Variants in PTPRT observed in about 807,000 individuals in gnomAD.
PTPRT encodes the protein receptor-type tyrosine-protein phosphatase T.
Under a neutral mutation model 176.8 loss-of-function variants are expected in PTPRT, and 56 were observed. The observed-to-expected ratio is 0.32, with a 90% confidence interval of 0.26 to 0.40. The LOEUF (loss-of-function observed/expected upper bound fraction) is 0.40. PTPRT is among the 10% of genes least tolerant of loss of function. PTPRT has a pLI of 1.00. For synonymous variants in PTPRT, 783 were observed against 739.0 expected (o/e 1.06, Z -0.96); for missense variants, 1,540 against 1,908.2 (o/e 0.81, Z 3.60).
intron 1 of PTPRT, among the ~76,000 whole-genome samples, chr20:43,083,333 T>TATATATATATATATACATAC (rs2011498802): frequency 9.9e-6 from 1 of 100,570 alleles, no homozygotes; most frequent in African/African-American, 4.5e-5. Context: ...TATATATATA[T>TATATATATATATATACATAC]ATATATATAT....
intron 1 of PTPRT, among the ~76,000 whole-genome samples, chr20:43,172,460 T>C (rs2015025149): frequency 6.6e-6 from 1 of 152,206 alleles, no homozygotes; most frequent in Non-Finnish European, 1.5e-5. Flanking sequence ...CTCATCCTGA[T>C]TTGTCTCAAA....
intron 1 of PTPRT, among the ~76,000 whole-genome samples, chr20:43,144,831 C>A (rs374682352): frequency 1.3e-5 from 2 of 152,142 alleles, no homozygotes; most frequent in East Asian, 3.8e-4. Context: ...GGTCACAACA[C>A]ATCACTGCTT....
At chr20:42,562,628 T>C (rs1461246641) in intron 7 of PTPRT, among the ~76,000 whole-genome samples, 3 of 152,208 alleles carry the variant, frequency 2.0e-5, no homozygotes, top group African/African-American at 7.2e-5. Flanking sequence ...CATGGTCCAG[T>C]ACCAGGGATT....
intron 11 of PTPRT, among the ~76,000 whole-genome samples, chr20:42,317,790 C>T (rs996432189): frequency 1.3e-5 from 2 of 152,060 alleles, no homozygotes; most frequent in Admixed American, 6.5e-5. Context: ...TTCAGGCATG[C>T]GAAAAGGAAG....
At chr20:43,156,647 G>C (rs968945928) in intron 1 of PTPRT, among the ~76,000 whole-genome samples, 1 of 152,178 alleles carries the variant, frequency 6.6e-6, no homozygotes, top group Admixed American at 6.5e-5. Flanking sequence ...GAGAGTGAAT[G>C]GTTGGATCAA....
the PTPRT span, among the ~76,000 whole-genome samples, chr20:42,044,257 CA>C: frequency 6.6e-6 from 1 of 152,234 alleles, no homozygotes; most frequent in Admixed American, 6.5e-5. Flanking sequence ...GAGAAAATGC[CA>C]GCCACGCAGT....
intron 12 of PTPRT, among the ~76,000 whole-genome samples, chr20:42,314,112 A>G (rs568697818): frequency 2.0e-5 from 3 of 152,272 alleles, no homozygotes; most frequent in Non-Finnish European, 4.4e-5. Flanking sequence ...CATGTTATAC[A>G]CTGCATAACA....
At chr20:42,656,926 C>T (rs770635596) in intron 7 of PTPRT, among the ~76,000 whole-genome samples, 1 of 152,236 alleles carries the variant, frequency 6.6e-6, no homozygotes, top group Non-Finnish European at 1.5e-5. Flanking sequence ...ATCACTCCAA[C>T]ACTGACAAAT....
chr20:42,360,184 C>G (rs531229983), intron 9 of PTPRT, among the ~76,000 whole-genome samples: 31 of 152,246 alleles, frequency 2.0e-4, no homozygotes, highest in African/African-American at 7.0e-4. Context: ...GGCTCTCTTC[C>G]CTGTGTCACC....
At chr20:42,481,777 A>AAC (rs11468323) in intron 7 of PTPRT, among the ~76,000 whole-genome samples, 3,663 of 144,554 alleles carry the variant, frequency 0.025, 75 homozygotes, top group East Asian at 0.078. Flanking sequence ...TACACACACA[A>AAC]ACACACACAC....
chr20:42,515,952 T>C lies in PTPRT; in HGVS notation c.1154-43390A>G, dbSNP rs373693095. Among the ~76,000 whole-genome samples the C allele has an allele frequency of 1.1e-4, 16 of 149,796 alleles. No individual in the cohort carries two copies. In the East Asian group the frequency reaches 1.6e-3, roughly 15 times the overall value. On this transcript the variant is annotated intron_variant, in intron 7 of 30. Transcript: ENST00000373187. ...AAAAATGATGAGTTCATGTCCTTTG[T>C]AGGGACATGGATGAAATTGGAAATC...
At chr20:42,771,852 A>AG (rs2077067998) in intron 4 of PTPRT, among the ~76,000 whole-genome samples, 1 of 152,130 alleles carries the variant, frequency 6.6e-6, no homozygotes, top group African/African-American at 2.4e-5. Context: ...ACATATCCAG[A>AG]GGGGGAGGGA....
intron 1 of PTPRT, among the ~76,000 whole-genome samples, chr20:43,026,073 C>A (rs970964812): frequency 1.3e-5 from 2 of 152,004 alleles, no homozygotes; most frequent in African/African-American, 4.8e-5. Flanking sequence ...AATCCTTATC[C>A]CCCTAGTGCC....
chr20:42,291,995 C>T (rs567890020), intron 12 of PTPRT, among the ~76,000 whole-genome samples: 7 of 152,182 alleles, frequency 4.6e-5, no homozygotes, highest in African/African-American at 4.8e-5. Flanking sequence ...GTGGTATAGT[C>T]GAATGATGAG....
chr20:42,892,111 A>G (rs556861700), intron 1 of PTPRT, among the ~76,000 whole-genome samples: 1 of 152,358 alleles, frequency 6.6e-6, no homozygotes, highest in African/African-American at 2.4e-5. Flanking sequence ...TGTATAAATG[A>G]AAACTTGTCA....
chr20:42,032,542 C>G, the PTPRT span, among the ~76,000 whole-genome samples: 11 of 152,158 alleles, frequency 7.2e-5, no homozygotes, highest in Admixed American at 5.9e-4. Flanking sequence ...CCTTATTGAT[C>G]ATGAGAACTA....
chr20:43,097,593 T>A (rs2012221178), intron 1 of PTPRT, among the ~76,000 whole-genome samples: 1 of 152,218 alleles, frequency 6.6e-6, no homozygotes, highest in Admixed American at 6.5e-5. Context: ...GAAACTTGCC[T>A]AAGGTCACAT....
chr20:42,466,083 T>C (rs751088343), intron 8 of PTPRT, among the ~76,000 whole-genome samples: 44 of 152,196 alleles, frequency 2.9e-4, no homozygotes, highest in Non-Finnish European at 5.6e-4. Flanking sequence ...GCTCCATCCA[T>C]GTTCCTGCAA....
At chr20:42,783,957 T>C (rs1341233018) in intron 3 of PTPRT, among the ~76,000 whole-genome samples, 3 of 151,846 alleles carry the variant, frequency 2.0e-5, no homozygotes, top group African/African-American at 4.8e-5. Flanking sequence ...GTACAGGGAG[T>C]GGAGCAGAGG....
Sources: allele counts gnomAD v4.1 joint callset (sites outside exome capture counted in the v4.1 genomes callset), GRCh38; gene constraint gnomAD v4.1.1; transcripts MANE v1.5; gene names NCBI Gene and HGNC (gene_info 2026-07-23, HGNC 2026-07-21).